JKAMP: variants seen among roughly 807,000 people sequenced by gnomAD.
JKAMP encodes JNK1/MAPK8-associated membrane protein.
JKAMP carries 20 observed loss-of-function variants against 40.2 expected under a neutral mutation model. That is an observed-to-expected ratio of 0.50 (90% CI 0.35 to 0.72). The LOEUF (loss-of-function observed/expected upper bound fraction) is 0.72. JKAMP is among the 30% of genes least tolerant of loss of function. JKAMP has a pLI of 0.01. For synonymous variants in JKAMP, 138 were observed against 131.6 expected (o/e 1.05, Z -0.33); for missense variants, 276 against 373.0 (o/e 0.74, Z 2.14).
intron 4 of JKAMP, 146 bp downstream of exon 4, chr14:59,495,370 GCCT>G: frequency 1.7e-6 from 1 of 601,808 alleles, no homozygotes; most frequent in Non-Finnish European, 3.0e-6. Flanking sequence ...CATGTAAACA[GCCT>G]CTTGTAACTT....
At position 59,494,574 on chromosome 14, in the gene JKAMP, A is replaced by G. The variant is rs775071183; in HGVS notation, c.252-444A>G. ...AAAAGTGGTAAAAGCAGTTTGGTAC[A>G]TGGTTGCCTCTAAGGGAGAGACAGA... is the stretch of plus-strand genomic sequence containing the variant. On this transcript the variant is annotated intron_variant, in intron 3 of 6. Transcript: ENST00000616435. Among the ~76,000 whole-genome samples the G allele has an allele frequency of 6.6e-5, 10 of 152,212 alleles. No homozygotes were observed. In the South Asian group the frequency reaches 1.2e-3, roughly 19 times the overall value.
chr14:59,500,051 A>C (rs182166864), intron 5 of JKAMP, among the ~76,000 whole-genome samples: 4 of 152,266 alleles, frequency 2.6e-5, no homozygotes, highest in African/African-American at 9.6e-5. Flanking sequence ...CTTCCTCTTT[A>C]TTCCTTTTTA....
Position 59,494,198 on chromosome 14 carries a change from GA to G in JKAMP, c.252-811del, listed in dbSNP as rs897154611. The stretch of plus-strand genomic sequence containing the variant: ...TTTAAAACATTTAAACTGCTAAGTA[GA>G]AAAAAAAATAAAAGCCTGGTGTATT... On this transcript the variant is annotated intron_variant, in intron 3 of 6. Coordinates refer to ENST00000616435, the MANE Select transcript of JKAMP (RefSeq NM_016475.5). Among the ~76,000 whole-genome samples the G allele has an allele frequency of 1.2e-4, 18 of 149,672 alleles. 1 individual carries two copies. Among genetic ancestry groups the G allele is most frequent in the South Asian group, 4.2e-4 (2 of 4,764 alleles).
At chr14:59,492,444 T>A (rs970426109) in intron 3 of JKAMP, among the ~76,000 whole-genome samples, 14 of 152,190 alleles carry the variant, frequency 9.2e-5, no homozygotes, top group African/African-American at 3.1e-4. Flanking sequence ...CAGAAGCCAG[T>A]CTCTCTTATA....
At chr14:59,496,678 T>C (rs1594945090) in intron 4 of JKAMP, among the ~76,000 whole-genome samples, 1 of 152,220 alleles carries the variant, frequency 6.6e-6, no homozygotes, top group South Asian at 2.1e-4. Flanking sequence ...AAGAATCTTG[T>C]GGCAGCACTC....
intron 3 of JKAMP, among the ~76,000 whole-genome samples, chr14:59,491,876 C>T (rs1891041272): frequency 6.6e-6 from 1 of 152,238 alleles, no homozygotes; most frequent in South Asian, 2.1e-4. Context: ...AGACTAGACC[C>T]TCAAGGGCCT....
At chr14:59,490,142 G>A (rs538005007) in intron 3 of JKAMP, among the ~76,000 whole-genome samples, 24 of 152,016 alleles carry the variant, frequency 1.6e-4, no homozygotes, top group African/African-American at 4.8e-4. Context: ...GGCTGGTCTC[G>A]ATCTCCTGGG....
intron 6 of JKAMP, among the ~76,000 whole-genome samples, chr14:59,502,844 C>T (rs764747614): frequency 5.9e-5 from 8 of 135,786 alleles, no homozygotes; most frequent in Non-Finnish European, 1.2e-4. Context: ...TTCCACCTCT[C>T]GGGTTCAAGT....
intron 4 of JKAMP, among the ~76,000 whole-genome samples, chr14:59,497,671 G>T (rs1891551536): frequency 6.6e-6 from 1 of 152,152 alleles, no homozygotes; most frequent in Non-Finnish European, 1.5e-5. Flanking sequence ...CAAGTTGCAG[G>T]AATGGATAGA....
At position 59,505,069 on chromosome 14, in the gene JKAMP, C is replaced by T. The variant is rs1892251127; in HGVS notation, c.*997C>T. 4.9e-6 allele frequency: 2 copies of T among 405,380 alleles called. No individual in the cohort carries two copies. Among genetic ancestry groups the T allele is most frequent in the East Asian group, 3.6e-5 (1 of 27,566 alleles). 25.1% of individuals were successfully genotyped at this position (405,380 alleles called of 1,614,324 possible). A position where few individuals can be genotyped will look rare whatever the true frequency, so the allele number is the denominator to read the frequency against. On this transcript the variant is annotated 3_prime_UTR_variant, in exon 7 of 7. Coordinates refer to ENST00000616435, the MANE Select transcript of JKAMP (RefSeq NM_016475.5). Reference sequence around the variant, plus strand: ...ACCTAACAACCTGACCATGTTTATCCATTTTTATTGTTTAGAAGTTTATTT... The same window carrying T: ...ACCTAACAACCTGACCATGTTTATCTATTTTTATTGTTTAGAAGTTTATTT...
Position 59,501,216 on chromosome 14 carries a change from A to G in JKAMP, c.666A>G (p.Leu222=). Reference sequence around the variant, plus strand: ...ATTACGCCTTCCCATACATTATATTAGTGTTATCTTTGGTTACTCTGGCTG... The same window carrying G: ...ATTACGCCTTCCCATACATTATATTGGTGTTATCTTTGGTTACTCTGGCTG... ...LLYYAFPYII[L]VLSLVTLAVY... is the part of the protein sequence containing the mutation. Residue 222 remains leucine (L), a synonymous_variant, in exon 6 of 7, where the codon TTA becomes TTG. Coordinates refer to ENST00000616435, the MANE Select transcript of JKAMP (RefSeq NM_016475.5). The G allele has an allele frequency of 1.2e-6, 2 of 1,602,286 alleles. No individual in the cohort carries two copies. Among genetic ancestry groups the G allele is most frequent in the Non-Finnish European group, 1.7e-6 (2 of 1,170,314 alleles).
At position 59,498,936 on chromosome 14, in the gene JKAMP, A is replaced by G. The variant is rs1431692081; in HGVS notation, c.640+28A>G. ...AAGTTTGATGGGTAAAGTCAATGAA[A>G]TATATTTATTATTGTATGTAGTAAT... On this transcript the variant is annotated intron_variant, in intron 5 of 6. Coordinates refer to ENST00000616435, the MANE Select transcript of JKAMP (RefSeq NM_016475.5). 2.2e-6 allele frequency: 3 copies of G among 1,376,356 alleles called. No individual in the cohort carries two copies. The Admixed American group carries it at 6.4e-5, about 29-fold the overall frequency. 85.3% of individuals were successfully genotyped at this position (1,376,356 alleles called of 1,614,324 possible).
chr14:59,484,718 C>G (rs978425646), intron 1 of JKAMP, 125 bp downstream of exon 1: 1 of 1,240,570 alleles, frequency 8.1e-7, no homozygotes, highest in Non-Finnish European at 1.1e-6. Context: ...GCCCCTTGAC[C>G]CCGCCCGCCC....
intron 6 of JKAMP, among the ~76,000 whole-genome samples, chr14:59,501,727 T>C (rs1891895452): frequency 6.6e-6 from 1 of 152,226 alleles, no homozygotes; most frequent in South Asian, 2.1e-4. Flanking sequence ...TTATGGATGT[T>C]TACTTTTACC....
intron 1 of JKAMP, chr14:59,484,855 C>T: frequency 6.3e-6 from 7 of 1,119,816 alleles, no homozygotes; most frequent in African/African-American, 1.6e-5. Context: ...TCTTCAGTCC[C>T]TTAGTTTAAT....
At chr14:59,502,750 A>ATTTTTGTTTTTTTTTTTTTGTTTTTGTT (rs1555339682) in intron 6 of JKAMP, among the ~76,000 whole-genome samples, 1 of 4,908 alleles carries the variant, frequency 2.0e-4, no homozygotes, top group African/African-American at 3.5e-4. Context: ...ATAAAATGAG[A>ATTTTTGTTTTTTTTTTTTTGTTTTTGTT]TTTTTTTTTT....
intron 4 of JKAMP, 75 bp from the exon 5 acceptor site, chr14:59,498,652 C>G: frequency 2.4e-6 from 2 of 830,850 alleles, no homozygotes; most frequent in Non-Finnish European, 1.8e-6. Flanking sequence ...TAGGCTCTTT[C>G]ATTTAAAAAT....
At chr14:59,503,711 TTTC>T in intron 6 of JKAMP, 140 bp from the exon 7 acceptor site, 1 of 614,326 alleles carries the variant, frequency 1.6e-6, no homozygotes, top group South Asian at 2.4e-5. Context: ...GACTGAGTGA[TTTC>T]TTAAGTCTTT....
chr14:59,497,547 T>G (rs776114109), intron 4 of JKAMP, among the ~76,000 whole-genome samples: 9 of 152,212 alleles, frequency 5.9e-5, no homozygotes, highest in Non-Finnish European at 1.0e-4. Flanking sequence ...TTTTTTTCTT[T>G]TGCTGTTGAT....
Sources: gnomAD v4.1 joint callset for allele counts (sites outside exome capture counted in the v4.1 genomes callset) on GRCh38, gnomAD v4.1.1 for gene constraint, MANE v1.5 for transcripts, NCBI Gene and HGNC (gene_info 2026-07-23, HGNC 2026-07-21) for gene names.